Variants in SPAG17 observed in about 807,000 individuals in gnomAD.
SPAG17 encodes the protein sperm-associated antigen 17.
A neutral mutation model predicts 273.6 loss-of-function variants in SPAG17; 169 were observed. The observed-to-expected ratio is 0.62, with a 90% CI of 0.55 to 0.70. The LOEUF (loss-of-function observed/expected upper bound fraction) is 0.70. Among genes scored for constraint, SPAG17 ranks in the 30% least tolerant of loss-of-function variants. SPAG17 has a pLI of 0.00. For missense variants in SPAG17, 2,557 were observed against 2,627.8 expected, an observed-to-expected ratio of 0.97 and a Z score of 0.59; for synonymous variants, 825 against 873.2, an observed-to-expected ratio of 0.94 and a Z score of 0.97.
chr1:118,081,229 G>T lies in SPAG17; in HGVS notation c.2081C>A (p.Pro694His). The T allele has an allele frequency of 6.2e-7, 1 of 1,614,030 alleles. No individual in the cohort carries two copies. Among genetic ancestry groups the T allele is most frequent in the Non-Finnish European group, 8.5e-7 (1 of 1,179,980 alleles). The change falls in exon 15 of 49, where the codon CCT becomes CAT. Residue 694 changes from proline to histidine, a missense_variant. By Grantham distance (77) the Pro-to-His change is moderately conservative. Transcript: ENST00000336338. ...CATATTGTTAGCATCACACTGACTA[G>T]GATCTGAAGGTTCTCGGTTGCTTTC... is the stretch of plus-strand genomic sequence containing the variant. ...DNESNREPSD[P>H]SQCDANNMKH...
intron 3 of SPAG17, among the ~76,000 whole-genome samples, chr1:118,118,336 T>TA (rs918893917): frequency 3.9e-5 from 6 of 151,992 alleles, no homozygotes; most frequent in African/African-American, 1.5e-4. Flanking sequence ...CACTGGGGGG[T>TA]AAGCTAGCCA....
intron 18 of SPAG17, among the ~76,000 whole-genome samples, chr1:118,061,173 C>A (rs1301773970): frequency 2.0e-5 from 3 of 152,118 alleles, no homozygotes; most frequent in African/African-American, 7.2e-5. Flanking sequence ...AATAGAACAA[C>A]CATATGATCC....
chr1:118,137,106 T>C (rs922800697), intron 3 of SPAG17, among the ~76,000 whole-genome samples: 1 of 152,132 alleles, frequency 6.6e-6, no homozygotes, highest in Non-Finnish European at 1.5e-5. Context: ...ATTCCTAAAA[T>C]GGATCTTTGA....
intron 4 of SPAG17, among the ~76,000 whole-genome samples, 157 bp downstream of exon 4, chr1:118,115,153 T>C (rs1423520961): frequency 1.3e-5 from 2 of 152,278 alleles, no homozygotes; most frequent in East Asian, 1.9e-4. Context: ...CTCCAGATCT[T>C]TGGACAGCCT....
intron 23 of SPAG17, 90 bp from the exon 24 acceptor site, chr1:118,036,973 T>C (rs1410196647): frequency 3.5e-6 from 3 of 856,670 alleles, no homozygotes; most frequent in Admixed American, 4.4e-5. Context: ...ATGGAGTTCA[T>C]AGCTGCTCTA....
At chr1:118,022,122 G>A (rs773748213) in intron 28 of SPAG17, among the ~76,000 whole-genome samples, 1 of 152,068 alleles carries the variant, frequency 6.6e-6, no homozygotes, top group Non-Finnish European at 1.5e-5. Context: ...TGTAAGGCAG[G>A]AGAGGCAGCG....
At chr1:117,993,592 A>T (rs1323815418) in intron 35 of SPAG17, among the ~76,000 whole-genome samples, 1 of 152,138 alleles carries the variant, frequency 6.6e-6, no homozygotes, top group Non-Finnish European at 1.5e-5. Context: ...AAATTTAACC[A>T]CAGGGCTAGG....
intron 17 of SPAG17, among the ~76,000 whole-genome samples, chr1:118,072,756 T>C (rs1653726750): frequency 1.3e-5 from 2 of 152,012 alleles, no homozygotes; most frequent in Non-Finnish European, 2.9e-5. Context: ...ATTACGATAT[T>C]GTTAACAGTA....
chr1:118,154,546 C>T (rs1045838480), intron 1 of SPAG17, among the ~76,000 whole-genome samples: 8 of 152,122 alleles, frequency 5.3e-5, no homozygotes, highest in Admixed American at 5.2e-4. Flanking sequence ...GAGTGTTTCT[C>T]TTAGTATTTC....
chr1:118,139,581 GGATA>G (rs1268244911), intron 3 of SPAG17, among the ~76,000 whole-genome samples: 5 of 152,110 alleles, frequency 3.3e-5, no homozygotes, highest in South Asian at 4.1e-4. Flanking sequence ...ATCAACATAT[GGATA>G]GATAAAGAAA....
At chr1:118,181,616 G>A (rs532067321) in intron 1 of SPAG17, among the ~76,000 whole-genome samples, 1 of 151,984 alleles carries the variant, frequency 6.6e-6, no homozygotes, top group Non-Finnish European at 1.5e-5. Context: ...AAACCACAGT[G>A]AGCTATCATC....
chr1:118,056,772 C>A (rs1355386195), intron 18 of SPAG17, among the ~76,000 whole-genome samples: 2 of 152,082 alleles, frequency 1.3e-5, no homozygotes, highest in African/African-American at 4.8e-5. Flanking sequence ...TAAATGTAAA[C>A]TATGAATTAT....
At chr1:118,147,569 C>G (rs1328421598) in intron 3 of SPAG17, among the ~76,000 whole-genome samples, 1 of 152,186 alleles carries the variant, frequency 6.6e-6, no homozygotes, top group African/African-American at 2.4e-5. Context: ...AACAAATGAG[C>G]TGCAGCTACG....
At chr1:118,121,128 G>C (rs1256198437) in intron 3 of SPAG17, among the ~76,000 whole-genome samples, 1 of 152,030 alleles carries the variant, frequency 6.6e-6, no homozygotes, top group African/African-American at 2.4e-5. Context: ...TACATTCTAG[G>C]ACTAGCTTAT....
rs1304740186 is a variant in SPAG17, at chr1:118,115,353, T to C, written c.404A>G (p.Gln135Arg). 13 of 1,613,698 alleles carry C rather than the reference T, an allele frequency of 8.1e-6. No homozygotes were observed. The highest frequency in any genetic ancestry group is 3.3e-5 in the Admixed American group (2 of 59,984). ...IGKLLKFQLL[Q>R]IKFKDQQRRE... ...TCGCTGTTGGTCCTTAAATTTAATC[T>C]GGAGAAGTTGAAATTTCAAGAGTTT... The change falls in exon 4 of 49, where the codon CAG (glutamine) becomes CGG (arginine). Residue 135 changes from glutamine (Q) to arginine (R), a missense_variant. Gln to Arg is a conservative substitution (Grantham distance 43). Transcript: ENST00000336338.
In SPAG17 at chr1:117,968,806, T is replaced by G. The variant is rs557609179; in HGVS notation, c.6387+1250A>C. Among the ~76,000 whole-genome samples, 226 of 152,356 alleles carry G rather than the reference T, an allele frequency of 1.5e-3. 2 individuals are homozygous for G. Among genetic ancestry groups the G allele is most frequent in the African/African-American group, 5.1e-3 (213 of 41,582 alleles). ...CAGGACTGGATACTTTTGTGCACTG[T>G]TCTCACAGGCCTATGCACTCTTCGC... On this transcript the variant is annotated intron_variant, in intron 46 of 48. Coordinates refer to ENST00000336338, the MANE Select transcript of SPAG17 (RefSeq NM_206996.4).
chr1:118,013,502 G>A (rs1487744530), intron 29 of SPAG17, among the ~76,000 whole-genome samples: 3 of 152,140 alleles, frequency 2.0e-5, no homozygotes, highest in Non-Finnish European at 4.4e-5. Flanking sequence ...TTTGAATCCC[G>A]ACTCCGCAAA....
chr1:118,128,563 T>C (rs1246188304), intron 3 of SPAG17, among the ~76,000 whole-genome samples: 1 of 152,186 alleles, frequency 6.6e-6, no homozygotes, highest in African/African-American at 2.4e-5. Flanking sequence ...ACCTTCCTTC[T>C]CTTTAAATCT....
chr1:118,111,350 G>T (rs946296366), intron 4 of SPAG17, among the ~76,000 whole-genome samples: 1 of 151,976 alleles, frequency 6.6e-6, no homozygotes, highest in Non-Finnish European at 1.5e-5. Flanking sequence ...TCCTCATTTC[G>T]ATAATCCACC....
Sources: allele counts gnomAD v4.1 joint callset (sites outside exome capture counted in the v4.1 genomes callset), GRCh38; gene constraint gnomAD v4.1.1; transcripts MANE v1.5; gene names NCBI Gene and HGNC (gene_info 2026-07-23, HGNC 2026-07-21).